The following CEP295 variants were observed in gnomAD, a reference collection of about 807,000 sequenced individuals.
CEP295 encodes the protein centrosomal protein of 295 kDa.
CEP295 carries 190 observed loss-of-function variants against 291.6 expected under a neutral mutation model. The observed-to-expected ratio is 0.65, with a 90% CI of 0.58 to 0.73. The LOEUF is 0.73. Among genes scored for constraint, CEP295 ranks in the 30% least tolerant of loss-of-function variants. The pLI is 0.00. For missense variants in CEP295, 2,863 were observed against 2,949.4 expected, an observed-to-expected ratio of 0.97 and a Z score of 0.68; for synonymous variants, 993 against 1,038.8, an observed-to-expected ratio of 0.96 and a Z score of 0.85.
In CEP295 at chr11:93,667,788, A is replaced by G. The variant is rs774797211; in HGVS notation, c.290A>G (p.His97Arg). Reference sequence around the variant, plus strand: ...AGTTTAAGAAGTATGGGAGAGGGACATCGACAGGCCAAAGAAAATGTGAGT... The same window carrying G: ...AGTTTAAGAAGTATGGGAGAGGGACGTCGACAGGCCAAAGAAAATGTGAGT... ...LASLRSMGEG[H>R]RQAKENEPDL... The change falls in exon 3 of 30, where the codon CAT becomes CGT. Residue 97 changes from histidine to arginine, a missense_variant. His to Arg is a conservative substitution (Grantham distance 29). Transcript: ENST00000325212. The G allele has an allele frequency of 1.0e-5, 16 of 1,550,244 alleles. No individual in the cohort carries two copies. The highest frequency in any genetic ancestry group is 1.3e-5 in the Non-Finnish European group (15 of 1,146,358).
chr11:93,717,807 T>C (rs1953381902), intron 18 of CEP295, among the ~76,000 whole-genome samples: 2 of 152,172 alleles, frequency 1.3e-5, no homozygotes, highest in African/African-American at 4.8e-5. Context: ...TGTTGATGTT[T>C]AACAGAACAC....
At chr11:93,696,616 T>C in intron 14 of CEP295, 66 bp from the exon 15 acceptor site, 1 of 1,375,890 alleles carries the variant, frequency 7.3e-7, no homozygotes, top group South Asian at 1.5e-5. Flanking sequence ...TTAAATTTAA[T>C]GTATAGACAT....
chr11:93,677,295 G>A (rs567053452), intron 6 of CEP295, among the ~76,000 whole-genome samples: 64 of 152,172 alleles, frequency 4.2e-4, no homozygotes, highest in Middle Eastern at 6.8e-3. Context: ...ATATGTTTGG[G>A]TATTTTTCTT....
rs779684789 is a variant in CEP295, at chr11:93,730,296, T to TTAATTGTGTATATG, written c.*30_*43dup. ...TTTCTAGAAATAGTGTAAAGGTTTTTTAATTGTGTATATGTAGCATTAGAC... is the reference window on the plus strand; with the variant it reads ...TTTCTAGAAATAGTGTAAAGGTTTTTTAATTGTGTATATGTAATTGTGTATATGTAGCATTAGAC... On this transcript the variant is annotated 3_prime_UTR_variant, in exon 30 of 30. Transcript: ENST00000325212. The TTAATTGTGTATATG allele has an allele frequency of 6.8e-7, 1 of 1,470,000 alleles. No homozygotes were observed. The highest frequency in any genetic ancestry group is 1.4e-5 in the African/African-American group (1 of 71,292). 91.1% of individuals were successfully genotyped at this position (1,470,000 alleles called of 1,614,324 possible). A position where few individuals can be genotyped will look rare whatever the true frequency, so the allele number is the denominator to read the frequency against.
rs373625744 is a variant in CEP295 at position 93,665,141 on chromosome 11, A to G, written c.-26-1541A>G. On this transcript the variant is annotated intron_variant, in intron 1 of 29. Coordinates refer to ENST00000325212, the MANE Select transcript of CEP295 (RefSeq NM_033395.2). ...TTTAGAAAGATGTAAATATTCAGTA[A>G]CTGAGATTGTCTGCCTGGTCATTGT... 4.8e-4 allele frequency among the ~76,000 whole-genome samples: 73 copies of G among 152,298 alleles called. No individual in the cohort carries two copies. In the East Asian group the frequency reaches 6.4e-3, roughly 13 times the overall value.
In CEP295 at chr11:93,720,461, G is replaced by A. The variant is rs556503151; in HGVS notation, c.5750-851G>A. On this transcript the variant is annotated intron_variant, in intron 18 of 29. Transcript: ENST00000325212. ...TGCATTCCAGCCTGGGTGACAGAGC[G>A]AGAGTCTGCCTCAAAAAAAAAAAAA... Among the ~76,000 whole-genome samples, 10 of 100,518 alleles carry A rather than the reference G, an allele frequency of 9.9e-5. No individual in the cohort carries two copies. The East Asian group carries it at 2.6e-3, about 27-fold the overall frequency. 65.9% of individuals were successfully genotyped at this position (100,518 alleles called of 152,430 possible). A position where few individuals can be genotyped will look rare whatever the true frequency, so the allele number is the denominator to read the frequency against.
chr11:93,679,664 G>T (rs1950867289), intron 7 of CEP295, 112 bp downstream of exon 7: 8 of 783,402 alleles, frequency 1.0e-5, no homozygotes, highest in Middle Eastern at 2.7e-4. Context: ...GTTCAATATA[G>T]TCTCTGATTC....
At position 93,663,296 on chromosome 11, in the gene CEP295, C is replaced by A. The variant is rs115683889; in HGVS notation, c.-27+1522C>A. The stretch of plus-strand genomic sequence containing the variant: ...AGAGGGGTCTACCCATTGTTACTTC[C>A]CTCCATTCAGTGTTAGACTTACACT... On this transcript the variant is annotated intron_variant, in intron 1 of 29. Coordinates refer to ENST00000325212, the MANE Select transcript of CEP295 (RefSeq NM_033395.2). Among the ~76,000 whole-genome samples, 977 of 152,250 alleles carry A rather than the reference C, an allele frequency of 6.4e-3. 11 individuals are homozygous for A. Among genetic ancestry groups the A allele is most frequent in the African/African-American group, 0.022 (929 of 41,530 alleles).
chr11:93,717,080 C>T (rs1953324095), intron 18 of CEP295, among the ~76,000 whole-genome samples: 1 of 152,110 alleles, frequency 6.6e-6, no homozygotes, highest in Non-Finnish European at 1.5e-5. Flanking sequence ...TTTCCTGGGT[C>T]TGGGCTGTGC....
At position 93,723,031 on chromosome 11, in the gene CEP295, C is replaced by G. The variant is rs566183367; in HGVS notation, c.5948-10C>G. The G allele has an allele frequency of 5.8e-6, 9 of 1,547,524 alleles. No individual in the cohort carries two copies. In the East Asian group the frequency reaches 2.2e-4, roughly 38 times the overall value. On this transcript the variant is annotated splice_polypyrimidine_tract_variant and intron_variant, in intron 20 of 29. Coordinates refer to ENST00000325212, the MANE Select transcript of CEP295 (RefSeq NM_033395.2). ...CCTATTTACATATTTTCATTAAACT[C>G]AATTTTCAGAGTCATTTTCAGAGCA...
intron 24 of CEP295, chr11:93,727,922 A>G (rs1937612963): frequency 3.9e-6 from 1 of 256,504 alleles, no homozygotes; most frequent in Non-Finnish European, 7.4e-6. Flanking sequence ...TAAAAATTTG[A>G]AAACTGTCTT....
At chr11:93,704,510 G>T (rs1443692701) in intron 17 of CEP295, among the ~76,000 whole-genome samples, 1 of 152,094 alleles carries the variant, frequency 6.6e-6, no homozygotes, top group East Asian at 1.9e-4. Flanking sequence ...AGCCCAGGGG[G>T]TTGAGACTGC....
Position 93,696,734 on chromosome 11 carries a change from A to G in CEP295, c.1822A>G (p.Thr608Ala). Residue 608 changes from threonine (T) to alanine (A), a missense_variant, in exon 15 of 30, where the codon ACT becomes GCT. Around this residue, in one of 3 missense-constraint regions of CEP295, gnomAD observed 2,295 missense variants for 2,335.7 expected, o/e 0.98. Transcript: ENST00000325212. ...CAGGAAACAATTACTTGAATATCAA[A>G]CTATGTTAAAAGGAAGGTGCCCATC... is the stretch of plus-strand genomic sequence containing the variant. ...TARKQLLEYQ[T>A]MLKGRCPSVS... The G allele has an allele frequency of 6.4e-7, 1 of 1,551,298 alleles. No homozygotes were observed. Among genetic ancestry groups the G allele is most frequent in the Non-Finnish European group, 8.7e-7 (1 of 1,146,666 alleles).
Position 93,665,131 on chromosome 11 carries a change from A to C in CEP295, c.-26-1551A>C, listed in dbSNP as rs370202282. On this transcript the variant is annotated intron_variant, in intron 1 of 29. Coordinates refer to ENST00000325212, the MANE Select transcript of CEP295 (RefSeq NM_033395.2). ...TTAAGCCAGCTTTAGAAAGATGTAAATATTCAGTAACTGAGATTGTCTGCC... is the reference window on the plus strand; with the variant it reads ...TTAAGCCAGCTTTAGAAAGATGTAACTATTCAGTAACTGAGATTGTCTGCC... 3.9e-5 allele frequency among the ~76,000 whole-genome samples: 6 copies of C among 152,342 alleles called. No homozygotes were observed. The South Asian group carries it at 8.3e-4, about 21-fold the overall frequency.
rs749851155 is a variant in CEP295 at position 93,687,720 on chromosome 11, A to G, written c.1191A>G (p.Gln397=). 5.8e-6 allele frequency: 9 copies of G among 1,549,596 alleles called. No individual in the cohort carries two copies. The highest frequency in any genetic ancestry group is 5.5e-5 in the African/African-American group (4 of 73,018). Residue 397 remains glutamine, a synonymous_variant, in exon 10 of 30, where the codon CAA becomes CAG. Coordinates refer to ENST00000325212, the MANE Select transcript of CEP295 (RefSeq NM_033395.2). ...AATTATTAAATAAGATCCGAAGCCA[A>G]AAATCTCTCTGGACAATTAAATCTA... The part of the protein sequence containing the change: ...FKKLLNKIRS[Q]KSLWTIKSMS...
chr11:93,699,485 G>T lies in CEP295; in HGVS notation c.4573G>T (p.Val1525Phe), dbSNP rs1402214643. 15 of 1,551,780 alleles carry T rather than the reference G, an allele frequency of 9.7e-6. No individual in the cohort carries two copies. In the Admixed American group the frequency reaches 2.4e-4, roughly 24 times the overall value. The stretch of plus-strand genomic sequence containing the variant: ...GAAAGCCATTCGATCTATACAGGAA[G>T]TCCAAGAAGAATTGCTTTTGCAAAG... ...QKKAIRSIQEVQEELLLQRLS... is the reference protein window; with the variant it reads ...QKKAIRSIQEFQEELLLQRLS... Residue 1525 changes from valine to phenylalanine, a missense_variant, in exon 15 of 30, where the codon GTC (valine) becomes TTC (phenylalanine). This residue lies in a region of CEP295 where 2,295 missense variants were observed against 2,335.7 expected (regional missense o/e 0.98). Coordinates refer to ENST00000325212, the MANE Select transcript of CEP295 (RefSeq NM_033395.2).
chr11:93,698,935 G>T lies in CEP295; in HGVS notation c.4023G>T (p.Ser1341=). ...TGCAGGATAGGCTTTTGAGGATATCGCAACTTATCCAGCCTCAACAAGATA... is the reference window on the plus strand; with the variant it reads ...TGCAGGATAGGCTTTTGAGGATATCTCAACTTATCCAGCCTCAACAAGATA... ...PQLQDRLLRI[S]QLIQPQQDNL... Residue 1341 remains serine (S), a synonymous_variant, in exon 15 of 30, where the codon TCG becomes TCT. Coordinates refer to ENST00000325212, the MANE Select transcript of CEP295 (RefSeq NM_033395.2). 6.4e-7 allele frequency: 1 copy of T among 1,551,368 alleles called. No homozygotes were observed. The highest frequency in any genetic ancestry group is 8.7e-7 in the Non-Finnish European group (1 of 1,146,956).
chr11:93,699,665 T>C lies in CEP295; in HGVS notation c.4753T>C (p.Leu1585=), dbSNP rs772326073. The change falls in exon 15 of 30, where the codon TTA becomes CTA. Residue 1585 remains leucine, a synonymous_variant. Coordinates refer to ENST00000325212, the MANE Select transcript of CEP295 (RefSeq NM_033395.2). ...LPSSHREIPR[L]QDRLLSLSKP... is the part of the protein sequence containing the mutation. ...CTCAAGTCATCGTGAGATTCCAAGA[T>C]TACAGGATAGACTTTTGAGTTTATC... 3.2e-6 allele frequency: 5 copies of C among 1,551,400 alleles called. No individual in the cohort carries two copies. In the African/African-American group the frequency reaches 5.5e-5, roughly 17 times the overall value.
chr11:93,685,366 C>T (rs1240292542), intron 9 of CEP295, among the ~76,000 whole-genome samples: 2 of 152,282 alleles, frequency 1.3e-5, no homozygotes, highest in East Asian at 3.9e-4. Context: ...TTTAAAACCA[C>T]CCAGGCTTTC....
Sources: gnomAD v4.1 joint callset for allele counts (sites outside exome capture counted in the v4.1 genomes callset) on GRCh38, gnomAD v4.1.1 for gene constraint, gnomAD v4.1.1 regional missense constraint, MANE v1.5 for transcripts, NCBI Gene and HGNC (gene_info 2026-07-23, HGNC 2026-07-21) for gene names.